YEATS2: variants seen among roughly 807,000 people sequenced by gnomAD.
YEATS2 encodes the protein YEATS domain containing 2.
Under a neutral mutation model 163.2 loss-of-function variants are expected in YEATS2, and 77 were observed. The observed-to-expected ratio is 0.47, with a 90% CI of 0.39 to 0.57. The LOEUF (loss-of-function observed/expected upper bound fraction) is 0.57. YEATS2 is among the 20% of genes least tolerant of loss of function. The pLI, the probability that YEATS2 is intolerant of heterozygous loss-of-function variation, is 0.00. For synonymous variants in YEATS2, 631 were observed against 645.1 expected, an observed-to-expected ratio of 0.98 and a Z score of 0.33; for missense variants, 1,549 against 1,729.8, an observed-to-expected ratio of 0.90 and a Z score of 1.85.
Position 183,775,980 on chromosome 3 carries a change from G to C in YEATS2, c.2434G>C (p.Gly812Arg). 6.2e-7 allele frequency: 1 copy of C among 1,608,952 alleles called. No homozygotes were observed. Among genetic ancestry groups the C allele is most frequent in the Non-Finnish European group, 8.5e-7 (1 of 1,177,098 alleles). The change falls in exon 18 of 31, where the codon GGA (glycine) becomes CGA (arginine). Residue 812 changes from glycine (G) to arginine (R), a missense_variant. Coordinates refer to ENST00000305135, the MANE Select transcript of YEATS2 (RefSeq NM_018023.5). ...GAGGGGGGGG[G>R]GGSGSGGGGS... ...CGGAGGAGGAGGAGGAGGAGGAGGA[G>C]GAGGCGGCAGTGGCAGCGGTGGAGG...
At chr3:183,770,967 G>A (rs1022087420) in intron 15 of YEATS2, among the ~76,000 whole-genome samples, 1 of 152,104 alleles carries the variant, frequency 6.6e-6, no homozygotes, top group Non-Finnish European at 1.5e-5. Context: ...ACAGTTTTTG[G>A]TAAAAATAAT....
chr3:183,797,183 C>G (rs576860781), intron 21 of YEATS2, among the ~76,000 whole-genome samples: 1 of 150,300 alleles, frequency 6.7e-6, no homozygotes, highest in African/African-American at 2.5e-5. Context: ...GCAGGAGAAT[C>G]GCTTGAACCT....
intron 1 of YEATS2, among the ~76,000 whole-genome samples, chr3:183,714,667 A>G (rs1172452170): frequency 2.0e-5 from 3 of 152,188 alleles, no homozygotes; most frequent in East Asian, 1.9e-4. Flanking sequence ...GATCTGTATA[A>G]TCAATTATTT....
At chr3:183,755,716 A>G (rs1257249824) in intron 11 of YEATS2, among the ~76,000 whole-genome samples, 1 of 130,608 alleles carries the variant, frequency 7.7e-6, no homozygotes, top group Admixed American at 7.5e-5. Context: ...CTAGCTGTTT[A>G]CTTACTGATT....
rs780117833 is a variant in YEATS2 at position 183,807,012 on chromosome 3, C to G, written c.3931C>G (p.Gln1311Glu). ...EPVKINIKKE[Q>E]EEKQEEVKFY... ...AGTGAAGATAAACATCAAGAAGGAG[C>G]AGGAAGAGAAACAAGAGGAAGTCAA... The change falls in exon 28 of 31, where the codon CAG becomes GAG. Residue 1311 changes from glutamine (Q) to glutamate (E), a missense_variant. Coordinates refer to ENST00000305135, the MANE Select transcript of YEATS2 (RefSeq NM_018023.5). The G allele has an allele frequency of 6.2e-7, 1 of 1,614,010 alleles. No homozygotes were observed. Among genetic ancestry groups the G allele is most frequent in the African/African-American group, 1.3e-5 (1 of 74,914 alleles).
At chr3:183,748,629 G>T (rs1425804680) in intron 9 of YEATS2, among the ~76,000 whole-genome samples, 1 of 151,270 alleles carries the variant, frequency 6.6e-6, no homozygotes, top group African/African-American at 2.4e-5. Flanking sequence ...TTGAGACAGG[G>T]TCTTACTCTG....
In YEATS2 at chr3:183,810,596, G is replaced by A. The variant is rs749492640; in HGVS notation, c.*13G>A. 10 of 1,610,548 alleles carry A rather than the reference G, an allele frequency of 6.2e-6. No homozygotes were observed. The African/African-American group carries it at 1.2e-4, about 19-fold the overall frequency. On this transcript the variant is annotated 3_prime_UTR_variant, in exon 31 of 31. Coordinates refer to ENST00000305135, the MANE Select transcript of YEATS2 (RefSeq NM_018023.5). ...TGAGGACCAGTGAGCGGAGTGAGGTGCCCTGGAGAAGCAGGCTTTGAAGGC... is the reference window on the plus strand; with the variant it reads ...TGAGGACCAGTGAGCGGAGTGAGGTACCCTGGAGAAGCAGGCTTTGAAGGC...
Position 183,773,164 on chromosome 3 carries a change from A to G in YEATS2, c.2207-469A>G, listed in dbSNP as rs149652512. Among the ~76,000 whole-genome samples the G allele has an allele frequency of 5.3e-5, 8 of 152,282 alleles. No individual in the cohort carries two copies. The East Asian group carries it at 1.5e-3, about 29-fold the overall frequency. On this transcript the variant is annotated intron_variant, in intron 16 of 30. Coordinates refer to ENST00000305135, the MANE Select transcript of YEATS2 (RefSeq NM_018023.5). ...GGTAGGTTACATCCATGGATGTGAA[A>G]TCCACAGATACAGAGGGCCAATGGT...
intron 27 of YEATS2, among the ~76,000 whole-genome samples, chr3:183,804,442 C>T (rs930537742): frequency 2.6e-5 from 4 of 152,332 alleles, no homozygotes; most frequent in South Asian, 2.1e-4. Flanking sequence ...AGTCCCTGCT[C>T]AGCATCATTT....
chr3:183,702,723 T>C (rs1022873154), intron 1 of YEATS2, among the ~76,000 whole-genome samples: 4 of 150,534 alleles, frequency 2.7e-5, no homozygotes, highest in Non-Finnish European at 3.0e-5. Flanking sequence ...TAGTCACAGC[T>C]ACTCGGAGGC....
At chr3:183,767,490 C>G (rs1206039847) in intron 15 of YEATS2, among the ~76,000 whole-genome samples, 1 of 151,996 alleles carries the variant, frequency 6.6e-6, no homozygotes, top group Non-Finnish European at 1.5e-5. Context: ...AAGTGATTCT[C>G]TTGACTCAGC....
At chr3:183,747,549 T>G (rs2109252504) in intron 8 of YEATS2, 123 bp from the exon 9 acceptor site, 1 of 566,636 alleles carries the variant, frequency 1.8e-6, no homozygotes, top group African/African-American at 1.9e-5. Context: ...TATTTTACAT[T>G]ATGAAAAAGT....
chr3:183,768,126 C>CT (rs775273814), intron 15 of YEATS2, among the ~76,000 whole-genome samples: 6 of 152,318 alleles, frequency 3.9e-5, no homozygotes, highest in Admixed American at 2.6e-4. Flanking sequence ...AACACCAGAA[C>CT]TTTAAGTAAG....
chr3:183,737,908 C>G (rs1049350662), intron 8 of YEATS2, among the ~76,000 whole-genome samples: 2 of 152,214 alleles, frequency 1.3e-5, no homozygotes, highest in Non-Finnish European at 2.9e-5. Context: ...CTCTGTCAGA[C>G]AACTCTGTGA....
chr3:183,740,058 A>G (rs1718778789), intron 8 of YEATS2, among the ~76,000 whole-genome samples: 1 of 128,218 alleles, frequency 7.8e-6, no homozygotes, highest in Non-Finnish European at 1.6e-5. Context: ...CAAGGACTTC[A>G]TGTCCAAAAC....
At chr3:183,747,780 G>C in intron 9 of YEATS2, 64 bp downstream of exon 9, 1 of 1,432,610 alleles carries the variant, frequency 7.0e-7, no homozygotes, top group South Asian at 1.2e-5. Context: ...TTCATTTTTT[G>C]TTTGTTTGTT....
chr3:183,760,313 A>AGTTTTTTTTTT lies in YEATS2; in HGVS notation c.1657-1194_1657-1193insGTTTTTTTTTT, dbSNP rs1283432086. Among the ~76,000 whole-genome samples, 8 of 110,314 alleles carry AGTTTTTTTTTT rather than the reference A, an allele frequency of 7.3e-5. 3 individuals are homozygous for AGTTTTTTTTTT. The highest frequency in any genetic ancestry group is 1.1e-4 in the Non-Finnish European group (6 of 56,962). 72.4% of individuals were successfully genotyped at this position (110,314 alleles called of 152,430 possible). Reference sequence around the variant, plus strand: ...TTGAGAATTAAAGAGAAACTACAGAATTTTTTTTTTTTTTTTTTTTTTTTT... The same window carrying AGTTTTTTTTTT: ...TTGAGAATTAAAGAGAAACTACAGAAGTTTTTTTTTTTTTTTTTTTTTTTTTTTTTTTTTTT... On this transcript the variant is annotated intron_variant, in intron 13 of 30. Coordinates refer to ENST00000305135, the MANE Select transcript of YEATS2 (RefSeq NM_018023.5).
At chr3:183,761,861 CTG>C (rs1478555438) in intron 14 of YEATS2, among the ~76,000 whole-genome samples, 1 of 152,182 alleles carries the variant, frequency 6.6e-6, no homozygotes, top group Non-Finnish European at 1.5e-5. Context: ...AAACAAGTGA[CTG>C]TGTTATTACA....
In YEATS2 at chr3:183,789,525, A is replaced by ATTTTTTTTTTTTT. The variant is rs143473253; in HGVS notation, c.2914-1256_2914-1244dup. On this transcript the variant is annotated intron_variant, in intron 20 of 30. Transcript: ENST00000305135. Reference sequence around the variant, plus strand: ...TTAGGTTTCAGATTCATTCGAGTTAATTTTTTTTTTTTTTTTTTTTTTTTT... The same window carrying ATTTTTTTTTTTTT: ...TTAGGTTTCAGATTCATTCGAGTTAATTTTTTTTTTTTTTTTTTTTTTTTTTTTTTTTTTTTTT... 3.8e-4 allele frequency among the ~76,000 whole-genome samples: 25 copies of ATTTTTTTTTTTTT among 66,346 alleles called. 3 individuals are homozygous for ATTTTTTTTTTTTT. Among genetic ancestry groups the ATTTTTTTTTTTTT allele is most frequent in the Non-Finnish European group, 4.4e-4 (17 of 39,022 alleles). 43.5% of individuals were successfully genotyped at this position (66,346 alleles called of 152,430 possible).
Sources: allele counts gnomAD v4.1 joint callset (sites outside exome capture counted in the v4.1 genomes callset), GRCh38; gene constraint gnomAD v4.1.1; transcripts MANE v1.5; gene names NCBI Gene and HGNC (gene_info 2026-07-23, HGNC 2026-07-21).